AK3: variants seen among roughly 807,000 people sequenced by gnomAD.
The protein encoded by AK3 is adenylate kinase 3, also known as GTP:AMP phosphotransferase AK3, mitochondrial.
Under a neutral mutation model 23.7 loss-of-function variants are expected in AK3, and 27 were observed. That is an observed-to-expected ratio of 1.14 (90% CI 0.84 to 1.57). The LOEUF (loss-of-function observed/expected upper bound fraction) is 1.57, where lower values mean the gene tolerates loss of function less well. Among genes scored for constraint, AK3 ranks in the 40% most tolerant of loss-of-function variants. The probability of loss-of-function intolerance (pLI) is 0.00; values close to 1 mark genes in which losing one functional copy is unlikely to be tolerated. For missense variants in AK3, 406 were observed against 285.6 expected (o/e 1.42, Z -3.04); for synonymous variants, 159 against 116.0 (o/e 1.37, Z -2.38).
At position 4,731,898 on chromosome 9, in the gene AK3, T is replaced by C. The variant is rs375767342; in HGVS notation, c.151+9039A>G. Among the ~76,000 whole-genome samples, 6 of 152,266 alleles carry C rather than the reference T, an allele frequency of 3.9e-5. No individual in the cohort carries two copies. The South Asian group carries it at 1.2e-3, about 32-fold the overall frequency. ...GACATGAAGACAATGGGGATGAAGA[T>C]CTTTATGACGATCCACTTCCATTTA... On this transcript the variant is annotated intron_variant, in intron 1 of 4. Transcript: ENST00000381809.
intron 1 of AK3, among the ~76,000 whole-genome samples, chr9:4,733,819 T>C (rs1253304343): frequency 2.0e-5 from 3 of 152,126 alleles, no homozygotes; most frequent in African/African-American, 7.2e-5. Context: ...ACATGGATCC[T>C]CCTAGCCTTT....
intron 1 of AK3, among the ~76,000 whole-genome samples, chr9:4,738,215 G>C (rs930116183): frequency 6.6e-6 from 1 of 152,124 alleles, no homozygotes; most frequent in East Asian, 1.9e-4. Context: ...ACCTAGGCTG[G>C]AATGCAATGG....
At chr9:4,737,124 T>G (rs1842314311) in intron 1 of AK3, among the ~76,000 whole-genome samples, 1 of 150,330 alleles carries the variant, frequency 6.7e-6, no homozygotes, top group Non-Finnish European at 1.5e-5. Flanking sequence ...ATATAGTTTT[T>G]CTTTACTATA....
At chr9:4,718,784 A>G (rs926533129) in intron 3 of AK3, among the ~76,000 whole-genome samples, 2 of 152,206 alleles carry the variant, frequency 1.3e-5, no homozygotes, top group Non-Finnish European at 2.9e-5. Context: ...GCAGCCTCTA[A>G]GTAAGTTCAT....
chr9:4,723,995 A>C (rs970557234), intron 1 of AK3, among the ~76,000 whole-genome samples: 1 of 152,230 alleles, frequency 6.6e-6, no homozygotes, highest in African/African-American at 2.4e-5. Context: ...ATGAAACTTT[A>C]GATTTTTAAC....
rs113622221 is a variant in AK3, at chr9:4,738,183, G to T, written c.151+2754C>A. On this transcript the variant is annotated intron_variant, in intron 1 of 4. Transcript: ENST00000381809. ...GATAAAATTAAACATCTTTTTTTTT[G>T]AGACAGAGTTCCGCTCTTTTCACCT... Among the ~76,000 whole-genome samples the T allele has an allele frequency of 4.7e-3, 711 of 150,738 alleles. 5 individuals carry two copies. Among genetic ancestry groups the T allele is most frequent in the African/African-American group, 0.017 (688 of 41,106 alleles).
chr9:4,737,168 CTT>C, intron 1 of AK3, among the ~76,000 whole-genome samples: 1 of 146,840 alleles, frequency 6.8e-6, no homozygotes, highest in African/African-American at 2.5e-5. Flanking sequence ...TTTAAAGTGA[CTT>C]AGCTTTAAAA....
chr9:4,738,111 TAAC>T (rs1842338963), intron 1 of AK3, among the ~76,000 whole-genome samples: 1 of 152,210 alleles, frequency 6.6e-6, no homozygotes, highest in African/African-American at 2.4e-5. Context: ...AAACAATAGT[TAAC>T]AACATACGCG....
At chr9:4,713,232 G>T in intron 4 of AK3, 136 bp from the exon 5 acceptor site, 2 of 1,179,444 alleles carry the variant, frequency 1.7e-6, no homozygotes, top group Non-Finnish European at 2.3e-6. Context: ...AATCAGGAGA[G>T]AAAGGCACTT....
chr9:4,740,727 C>G (rs374611745), intron 1 of AK3, among the ~76,000 whole-genome samples: 1 of 152,208 alleles, frequency 6.6e-6, no homozygotes, highest in African/African-American at 2.4e-5. Context: ...TCCCTTCCCC[C>G]ACCGCCACCC....
intron 3 of AK3, 84 bp downstream of exon 3, chr9:4,719,051 T>C: frequency 1.4e-6 from 2 of 1,456,222 alleles, no homozygotes. Flanking sequence ...TCAGAGGATT[T>C]CCAAGTTCAC....
intron 1 of AK3, among the ~76,000 whole-genome samples, chr9:4,735,341 A>ACC (rs1842253585): frequency 2.0e-5 from 2 of 100,766 alleles, no homozygotes; most frequent in African/African-American, 4.4e-5. Flanking sequence ...AAATATATAT[A>ACC]TACATATATA....
intron 1 of AK3, among the ~76,000 whole-genome samples, chr9:4,726,432 T>C (rs1252801966): frequency 6.6e-6 from 1 of 152,196 alleles, no homozygotes; most frequent in Non-Finnish European, 1.5e-5. Flanking sequence ...AAATCCCTCG[T>C]TGCCAGTTGA....
rs1563779369 is a variant in AK3 at position 4,712,430 on chromosome 9, CA to C, written c.*545del. On this transcript the variant is annotated 3_prime_UTR_variant, in exon 5 of 5. Transcript: ENST00000381809. ...AAATAAATACAGCATATATGGTTAA[CA>C]TATACATTTCTTAGTGTAAAGGCAG... 6.6e-6 allele frequency: 1 copy of C among 152,202 alleles called. No homozygotes were observed. The highest frequency in any genetic ancestry group is 2.4e-5 in the African/African-American group (1 of 41,428). The allele number at this position is 152,202 out of a possible 1,614,324, so 9.4% of individuals were successfully genotyped here. A position where few individuals can be genotyped will look rare whatever the true frequency, so the allele number is the denominator to read the frequency against.
At chr9:4,717,427 T>C (rs781365771) in intron 4 of AK3, among the ~76,000 whole-genome samples, 11 of 152,242 alleles carry the variant, frequency 7.2e-5, no homozygotes, top group Non-Finnish European at 1.2e-4. Flanking sequence ...TAAAGACTGC[T>C]AGCCAATTAC....
intron 1 of AK3, among the ~76,000 whole-genome samples, chr9:4,732,084 G>A (rs1842167384): frequency 6.6e-6 from 1 of 151,646 alleles, no homozygotes; most frequent in South Asian, 2.1e-4. Context: ...CAAGTAGCTG[G>A]GAAAACAGGC....
intron 1 of AK3, among the ~76,000 whole-genome samples, chr9:4,733,348 C>T (rs929766207): frequency 5.3e-5 from 8 of 151,732 alleles, no homozygotes; most frequent in African/African-American, 1.9e-4. Flanking sequence ...AAAAACCTTT[C>T]TCAAATAATA....
chr9:4,718,993 C>G (rs191739107), intron 3 of AK3, 142 bp downstream of exon 3: 1 of 892,690 alleles, frequency 1.1e-6, no homozygotes, highest in Admixed American at 2.7e-5. Flanking sequence ...TGGACTTGAT[C>G]AGTCAACTCT....
At chr9:4,717,413 C>G (rs1008579469) in intron 4 of AK3, among the ~76,000 whole-genome samples, 14 of 152,186 alleles carry the variant, frequency 9.2e-5, no homozygotes, top group African/African-American at 3.1e-4. Flanking sequence ...AAAATGTAAG[C>G]TTTTAAAGAC....
Sources: allele counts gnomAD v4.1 joint callset (sites outside exome capture counted in the v4.1 genomes callset), GRCh38; gene constraint gnomAD v4.1.1; transcripts MANE v1.5; gene names NCBI Gene and HGNC (gene_info 2026-07-23, HGNC 2026-07-21).